The following NMNAT3 variants were observed in gnomAD, a reference collection of about 807,000 sequenced individuals.
The protein encoded by NMNAT3 is nicotinamide/nicotinic acid mononucleotide adenylyltransferase 3.
A neutral mutation model predicts 24.8 loss-of-function variants in NMNAT3; 21 were observed. That is an observed-to-expected ratio of 0.85 (90% CI 0.60 to 1.22). The LOEUF (loss-of-function observed/expected upper bound fraction) is 1.22, where lower values mean the gene tolerates loss of function less well. Among genes scored for constraint, NMNAT3 ranks in the 50% most tolerant of loss-of-function variants. NMNAT3 has a pLI of 0.00. For missense variants in NMNAT3, 387 were observed against 436.6 expected (o/e 0.89, Z 1.01); for synonymous variants, 136 against 155.2 (o/e 0.88, Z 0.92).
chr3:139,587,322 G>A (rs78778178), intron 3 of NMNAT3, among the ~76,000 whole-genome samples: 4,344 of 152,216 alleles, frequency 0.029, 222 homozygotes, highest in African/African-American at 0.097. Flanking sequence ...CCAAAGCCAG[G>A]GACTATGGCA....
chr3:139,627,307 G>T (rs2056095065), intron 3 of NMNAT3, among the ~76,000 whole-genome samples: 1 of 152,116 alleles, frequency 6.6e-6, no homozygotes. Flanking sequence ...TAGATGTTGG[G>T]AGTACCAGGA....
chr3:139,675,957 C>T (rs557849295), intron 1 of NMNAT3, among the ~76,000 whole-genome samples: 5 of 152,340 alleles, frequency 3.3e-5, no homozygotes, highest in African/African-American at 1.2e-4. Flanking sequence ...GGTGAGTGAG[C>T]TGCCCAGGGT....
chr3:139,579,796 CCT>C (rs774944995), intron 4 of NMNAT3, among the ~76,000 whole-genome samples: 14 of 152,084 alleles, frequency 9.2e-5, no homozygotes, highest in Non-Finnish European at 1.9e-4. Context: ...TGAGACATTC[CCT>C]GTTATTCCTA....
chr3:139,627,481 G>A, intron 3 of NMNAT3, 135 bp downstream of exon 4: 1 of 571,820 alleles, frequency 1.7e-6, no homozygotes, highest in African/African-American at 1.9e-5. Flanking sequence ...CTTTGAATAT[G>A]ATGAAAAAAA....
At chr3:139,589,907 C>A (rs2054093424) in intron 3 of NMNAT3, among the ~76,000 whole-genome samples, 1 of 152,136 alleles carries the variant, frequency 6.6e-6, no homozygotes, top group Non-Finnish European at 1.5e-5. Flanking sequence ...AGAAGACGAA[C>A]TCCACCACCC....
chr3:139,605,896 T>G (rs963422418), intron 3 of NMNAT3, among the ~76,000 whole-genome samples: 1 of 115,650 alleles, frequency 8.6e-6, no homozygotes, highest in African/African-American at 3.3e-5. Context: ...AACATTACTA[T>G]TATTTTGGCT....
intron 1 of NMNAT3, among the ~76,000 whole-genome samples, chr3:139,647,703 T>C (rs1474130547): frequency 6.6e-6 from 1 of 152,206 alleles, no homozygotes; most frequent in Non-Finnish European, 1.5e-5. Flanking sequence ...CACCAGAACC[T>C]GGACTCAGCA....
chr3:139,615,225 T>C (rs962295811), intron 3 of NMNAT3, among the ~76,000 whole-genome samples: 4 of 152,154 alleles, frequency 2.6e-5, no homozygotes, highest in Non-Finnish European at 5.9e-5. Flanking sequence ...GTTTATCTTG[T>C]ATTTTCCATC....
At chr3:139,598,134 C>T (rs1041637445) in intron 3 of NMNAT3, among the ~76,000 whole-genome samples, 14 of 152,146 alleles carry the variant, frequency 9.2e-5, no homozygotes, top group African/African-American at 3.4e-4. Flanking sequence ...ATCATCACTC[C>T]CTCCATTCTC....
chr3:139,593,712 C>G (rs1400918621), intron 3 of NMNAT3, among the ~76,000 whole-genome samples: 9 of 149,134 alleles, frequency 6.0e-5, no homozygotes, highest in Non-Finnish European at 1.2e-4. Flanking sequence ...TGAATGACTA[C>G]TGGGTACATA....
chr3:139,575,832 A>G (rs1417059676), intron 5 of NMNAT3: 3 of 1,212,750 alleles, frequency 2.5e-6, no homozygotes, highest in Middle Eastern at 2.3e-4. Flanking sequence ...TTGGAGGGCA[A>G]CTGTGGGAGG....
At chr3:139,597,942 C>G (rs566324535) in intron 3 of NMNAT3, among the ~76,000 whole-genome samples, 2 of 152,280 alleles carry the variant, frequency 1.3e-5, no homozygotes, top group Non-Finnish European at 2.9e-5. Flanking sequence ...GATCTGTGAT[C>G]AAGAAATAAA....
intron 1 of NMNAT3, among the ~76,000 whole-genome samples, chr3:139,643,417 T>G (rs897566533): frequency 6.6e-6 from 1 of 152,178 alleles, no homozygotes; most frequent in Non-Finnish European, 1.5e-5. Context: ...TACACCCATA[T>G]TCACAGCAGC....
chr3:139,667,840 G>T (rs1256021876), intron 1 of NMNAT3, among the ~76,000 whole-genome samples: 1 of 152,164 alleles, frequency 6.6e-6, no homozygotes. Context: ...TCTGAGAGGG[G>T]CAAGTATTTA....
At chr3:139,619,212 G>A (rs1243110736) in intron 3 of NMNAT3, among the ~76,000 whole-genome samples, 3 of 152,146 alleles carry the variant, frequency 2.0e-5, no homozygotes, top group Admixed American at 2.0e-4. Flanking sequence ...AATAGTGCTT[G>A]GAAGATGCAG....
chr3:139,654,939 C>T (rs1411230291), intron 1 of NMNAT3, among the ~76,000 whole-genome samples: 1 of 152,164 alleles, frequency 6.6e-6, no homozygotes, highest in Non-Finnish European at 1.5e-5. Context: ...TAAGGACGGT[C>T]ACAGCCCAGG....
rs1478977604 is a variant in NMNAT3 at position 139,560,476 on chromosome 3, G to A, written c.*534C>T. 6.5e-6 allele frequency: 1 copy of A among 152,952 alleles called. No homozygotes were observed. The highest frequency in any genetic ancestry group is 6.5e-5 in the Admixed American group (1 of 15,326). 9.5% of individuals were successfully genotyped at this position (152,952 alleles called of 1,614,324 possible). A position where few individuals can be genotyped will look rare whatever the true frequency, so the allele number is the denominator to read the frequency against. ...AATGGTTTCTAAGGCAAGATCCAGT[G>A]TAAATCAGCAATGTGCTGTTTCCAA... On this transcript the variant is annotated 3_prime_UTR_variant, in exon 7 of 7. Coordinates refer to ENST00000643695, the MANE Select transcript of NMNAT3 (RefSeq NM_001320510.2).
rs370928443 is a variant in NMNAT3 at position 139,578,800 on chromosome 3, C to A, written c.575+72G>T. Reference sequence around the variant, plus strand: ...AACCCAGCCCCACAATCTGCCCTACCTTTTACCCTGTAAGCTCTGCAGACA... The same window carrying A: ...AACCCAGCCCCACAATCTGCCCTACATTTTACCCTGTAAGCTCTGCAGACA... On this transcript the variant is annotated intron_variant, in intron 5 of 6. Transcript: ENST00000643695. 468 of 1,405,506 alleles carry A rather than the reference C, an allele frequency of 3.3e-4. 4 individuals carry two copies. In the East Asian group the frequency reaches 7.1e-3, roughly 21 times the overall value. 87.1% of individuals were successfully genotyped at this position (1,405,506 alleles called of 1,614,324 possible). A position where few individuals can be genotyped will look rare whatever the true frequency, so the allele number is the denominator to read the frequency against.
chr3:139,580,321 C>T (rs957058636), intron 4 of NMNAT3, among the ~76,000 whole-genome samples: 11 of 152,144 alleles, frequency 7.2e-5, no homozygotes, highest in Admixed American at 1.3e-4. Flanking sequence ...CAGGGTTTTG[C>T]CATGTTGGCT....
Sources: allele counts gnomAD v4.1 joint callset (sites outside exome capture counted in the v4.1 genomes callset), GRCh38; gene constraint gnomAD v4.1.1; transcripts MANE v1.5; gene names NCBI Gene and HGNC (gene_info 2026-07-23, HGNC 2026-07-21).